The following CNTNAP5 variants were observed in gnomAD, a reference collection of about 807,000 sequenced individuals.
CNTNAP5 encodes the protein contactin-associated protein-like 5.
A neutral mutation model predicts 150.2 loss-of-function variants in CNTNAP5; 72 were observed. The ratio of observed to expected loss-of-function variants is 0.48; its 90% CI spans 0.40 to 0.58. The LOEUF (loss-of-function observed/expected upper bound fraction) is 0.58, where lower values mean the gene tolerates loss of function less well. Among genes scored for constraint, CNTNAP5 ranks in the 20% least tolerant of loss-of-function variants. The pLI, the probability that CNTNAP5 is intolerant of heterozygous loss-of-function variation, is 0.00. For synonymous variants in CNTNAP5, 672 were observed against 619.8 expected (o/e 1.08, Z -1.25); for missense variants, 1,636 against 1,626.2 (o/e 1.01, Z -0.10).
chr2:124,350,875 C>T (rs7609391), intron 3 of CNTNAP5, among the ~76,000 whole-genome samples: 45,880 of 151,658 alleles, frequency 0.3, 6,999 homozygotes, highest in Middle Eastern at 0.37. Context: ...CCTTTTTTTT[C>T]GGCATGTTGC....
intron 13 of CNTNAP5, among the ~76,000 whole-genome samples, chr2:124,703,632 T>C (rs1679572522): frequency 6.6e-6 from 1 of 152,142 alleles, no homozygotes; most frequent in Non-Finnish European, 1.5e-5. Flanking sequence ...GAATATACCA[T>C]AGGCATTTGG....
chr2:124,097,993 A>G (rs1012635182), intron 1 of CNTNAP5, among the ~76,000 whole-genome samples: 1 of 152,128 alleles, frequency 6.6e-6, no homozygotes, highest in Non-Finnish European at 1.5e-5. Context: ...GCGCCACTGC[A>G]CTCCAGCCTG....
At chr2:124,754,169 A>T (rs1373475548) in intron 14 of CNTNAP5, among the ~76,000 whole-genome samples, 1 of 152,152 alleles carries the variant, frequency 6.6e-6, no homozygotes, top group Admixed American at 6.6e-5. Context: ...GGCGCCTTAG[A>T]CCACATAGTA....
chr2:124,385,801 C>T (rs1573958833), intron 3 of CNTNAP5, among the ~76,000 whole-genome samples: 1 of 152,250 alleles, frequency 6.6e-6, no homozygotes, highest in East Asian at 1.9e-4. Context: ...CAAGAAGTGC[C>T]CCCTGAGTAC....
chr2:124,896,982 G>C (rs983149247), intron 21 of CNTNAP5, among the ~76,000 whole-genome samples: 2 of 151,524 alleles, frequency 1.3e-5, no homozygotes, highest in East Asian at 3.9e-4. Context: ...TAAAGGTTTT[G>C]TTTTGTGCCT....
At chr2:124,373,355 A>G (rs182263963) in intron 3 of CNTNAP5, among the ~76,000 whole-genome samples, 131 of 152,252 alleles carry the variant, frequency 8.6e-4, no homozygotes, top group African/African-American at 3.0e-3. Flanking sequence ...ATTGACCACA[A>G]TCAGGATTTC....
intron 3 of CNTNAP5, among the ~76,000 whole-genome samples, chr2:124,342,124 T>C (rs1278124015): frequency 6.6e-6 from 1 of 152,196 alleles, no homozygotes; most frequent in Non-Finnish European, 1.5e-5. Context: ...GTGTTTTCTC[T>C]CTTCAGTCAC....
At chr2:124,730,757 C>A (rs1026062326) in intron 13 of CNTNAP5, among the ~76,000 whole-genome samples, 9 of 151,874 alleles carry the variant, frequency 5.9e-5, no homozygotes, top group Non-Finnish European at 7.4e-5. Context: ...AATTAAATGA[C>A]CTTTGTGGGG....
At chr2:124,500,928 G>A (rs546669448) in intron 7 of CNTNAP5, among the ~76,000 whole-genome samples, 3 of 152,290 alleles carry the variant, frequency 2.0e-5, no homozygotes, top group Non-Finnish European at 2.9e-5. Flanking sequence ...GTCACAGTCA[G>A]ACAGAGGAGC....
intron 1 of CNTNAP5, among the ~76,000 whole-genome samples, chr2:124,191,034 A>G (rs1685446348): frequency 6.6e-6 from 1 of 152,178 alleles, no homozygotes; most frequent in Non-Finnish European, 1.5e-5. Context: ...TTTTTGAGAC[A>G]TATTTTATTG....
At chr2:124,601,829 A>T (rs955018870) in intron 11 of CNTNAP5, among the ~76,000 whole-genome samples, 5 of 152,224 alleles carry the variant, frequency 3.3e-5, no homozygotes, top group African/African-American at 1.2e-4. Flanking sequence ...CAGCAGTGAA[A>T]CTGGAATTGA....
intron 13 of CNTNAP5, among the ~76,000 whole-genome samples, chr2:124,680,447 T>G (rs1164174802): frequency 6.6e-6 from 1 of 151,884 alleles, no homozygotes; most frequent in Non-Finnish European, 1.5e-5. Flanking sequence ...TGACACACAG[T>G]GGGCTCCCAG....
At chr2:124,590,593 T>G (rs1696657454) in intron 11 of CNTNAP5, among the ~76,000 whole-genome samples, 1 of 152,182 alleles carries the variant, frequency 6.6e-6, no homozygotes, top group African/African-American at 2.4e-5. Flanking sequence ...AAATGCAAAA[T>G]GCTTCACAAG....
At chr2:124,584,538 C>G (rs531010676) in intron 11 of CNTNAP5, among the ~76,000 whole-genome samples, 1 of 152,180 alleles carries the variant, frequency 6.6e-6, no homozygotes, top group Non-Finnish European at 1.5e-5. Context: ...GTGAACTGCA[C>G]AAGCTAAAGG....
At chr2:124,894,436 C>T (rs1313218056) in intron 21 of CNTNAP5, among the ~76,000 whole-genome samples, 1 of 151,480 alleles carries the variant, frequency 6.6e-6, no homozygotes, top group African/African-American at 2.4e-5. Context: ...TTTATTCTGA[C>T]TCCACATCAA....
chr2:124,272,319 C>G (rs1422342300), intron 3 of CNTNAP5, among the ~76,000 whole-genome samples: 2 of 152,060 alleles, frequency 1.3e-5, no homozygotes, highest in Non-Finnish European at 2.9e-5. Context: ...GAAGTAGGTA[C>G]TTTTTCTGGC....
intron 3 of CNTNAP5, among the ~76,000 whole-genome samples, chr2:124,353,080 A>G (rs1289399403): frequency 6.6e-6 from 1 of 152,124 alleles, no homozygotes; most frequent in Non-Finnish European, 1.5e-5. Flanking sequence ...GTCTCCAGGG[A>G]AAGGAGAGCC....
chr2:124,537,261 A>C (rs553210698), intron 10 of CNTNAP5, among the ~76,000 whole-genome samples: 1 of 152,222 alleles, frequency 6.6e-6, no homozygotes, highest in East Asian at 1.9e-4. Flanking sequence ...GGTACTTCTA[A>C]CCCTGCTGTG....
intron 17 of CNTNAP5, among the ~76,000 whole-genome samples, chr2:124,774,857 C>T (rs1251880572): frequency 6.6e-6 from 1 of 152,100 alleles, no homozygotes; most frequent in African/African-American, 2.4e-5. Flanking sequence ...ATAAAGTTTG[C>T]GCAAGTCAAA....
Sources: allele counts gnomAD v4.1 joint callset (sites outside exome capture counted in the v4.1 genomes callset), GRCh38; gene constraint gnomAD v4.1.1; transcripts MANE v1.5; gene names NCBI Gene and HGNC (gene_info 2026-07-23, HGNC 2026-07-21).